The following SLC24A3 variants were observed in gnomAD, a reference collection of about 807,000 sequenced individuals.
SLC24A3 encodes the protein sodium/potassium/calcium exchanger 3.
Under a neutral mutation model 75.8 loss-of-function variants are expected in SLC24A3, and 28 were observed. That is an observed-to-expected ratio of 0.37 (90% CI 0.27 to 0.51). SLC24A3 has a LOEUF of 0.51. SLC24A3 is among the 20% of genes least tolerant of loss of function. SLC24A3 has a pLI of 0.94. For missense variants in SLC24A3, 663 were observed against 847.8 expected, an observed-to-expected ratio of 0.78 and a Z score of 2.71; for synonymous variants, 372 against 334.1, an observed-to-expected ratio of 1.11 and a Z score of -1.24.
chr20:19,558,185 C>T (rs563650972), intron 3 of SLC24A3, among the ~76,000 whole-genome samples: 1 of 152,150 alleles, frequency 6.6e-6, no homozygotes, highest in Non-Finnish European at 1.5e-5. Flanking sequence ...TTTTAAATCA[C>T]CTTTACTGAC....
At chr20:19,515,390 A>G (rs1002572085) in intron 2 of SLC24A3, 98 bp from the exon 3 acceptor site, 6 of 1,105,598 alleles carry the variant, frequency 5.4e-6, no homozygotes, top group Non-Finnish European at 8.1e-6. Context: ...TTTTTCATCC[A>G]AGTTCATGGA....
chr20:19,672,625 CT>C (rs939245123), intron 8 of SLC24A3, among the ~76,000 whole-genome samples: 1 of 152,168 alleles, frequency 6.6e-6, no homozygotes, highest in African/African-American at 2.4e-5. Flanking sequence ...GAGCGGGTCA[CT>C]GTGCCCAGCC....
At chr20:19,509,516 C>T (rs16980706) in intron 2 of SLC24A3, among the ~76,000 whole-genome samples, 17,196 of 152,270 alleles carry the variant, frequency 0.11, 1,039 homozygotes, top group African/African-American at 0.15. Context: ...CGCATACACT[C>T]TTTTCTTGGA....
chr20:19,223,605 T>A (rs1350126610), intron 1 of SLC24A3, among the ~76,000 whole-genome samples: 1 of 152,150 alleles, frequency 6.6e-6, no homozygotes, highest in Non-Finnish European at 1.5e-5. Flanking sequence ...CAGTAAGAGA[T>A]TAACAATAAC....
intron 7 of SLC24A3, among the ~76,000 whole-genome samples, chr20:19,657,179 T>C (rs1475819801): frequency 6.6e-6 from 1 of 152,242 alleles, no homozygotes; most frequent in Non-Finnish European, 1.5e-5. Context: ...GGCTAGAGTT[T>C]TGTGATTTGA....
chr20:19,309,070 G>A (rs1984397451), intron 2 of SLC24A3, among the ~76,000 whole-genome samples: 1 of 152,070 alleles, frequency 6.6e-6, no homozygotes, highest in Non-Finnish European at 1.5e-5. Flanking sequence ...TTCAGACCAG[G>A]GCCTCCTTTT....
chr20:19,418,282 C>T (rs1986859541), intron 2 of SLC24A3, among the ~76,000 whole-genome samples: 1 of 152,012 alleles, frequency 6.6e-6, no homozygotes, highest in African/African-American at 2.4e-5. Flanking sequence ...AGTTGTTGCA[C>T]CCATGGAACA....
intron 2 of SLC24A3, among the ~76,000 whole-genome samples, chr20:19,295,683 C>CAAGG (rs1984040785): frequency 6.6e-6 from 1 of 152,172 alleles, no homozygotes; most frequent in African/African-American, 2.4e-5. Context: ...TTGAACCAGC[C>CAAGG]TTGCATCAGG....
At chr20:19,696,629 C>G (rs1357798501) in intron 13 of SLC24A3, 168 bp from the exon 14 acceptor site, 1 of 504,438 alleles carries the variant, frequency 2.0e-6, no homozygotes, top group African/African-American at 1.9e-5. Context: ...CAGCCCCGGT[C>G]GGCATCCACA....
At position 19,673,596 on chromosome 20, in the gene SLC24A3, C is replaced by T; in HGVS notation, c.714-5C>T. Reference sequence around the variant, plus strand: ...TGTCTTTAACTGTTCTTGGTTTACACACAGGTGGGAGTCTTTAGTCCTTGT... The same window carrying T: ...TGTCTTTAACTGTTCTTGGTTTACATACAGGTGGGAGTCTTTAGTCCTTGT... On this transcript the variant is annotated splice_polypyrimidine_tract_variant and splice_region_variant and intron_variant, in intron 8 of 16. Coordinates refer to ENST00000328041, the MANE Select transcript of SLC24A3 (RefSeq NM_020689.4). The T allele has an allele frequency of 6.2e-7, 1 of 1,613,760 alleles. No individual in the cohort carries two copies. The highest frequency in any genetic ancestry group is 1.1e-5 in the South Asian group (1 of 91,070).
At chr20:19,254,674 A>C (rs1395902064) in intron 1 of SLC24A3, among the ~76,000 whole-genome samples, 8 of 152,210 alleles carry the variant, frequency 5.3e-5, no homozygotes, top group African/African-American at 9.7e-5. Context: ...CAGGGTGGCC[A>C]CACATGTTCC....
rs1981937420 is a variant in SLC24A3 at position 19,228,733 on chromosome 20, A to G, written c.142+15749A>G. ...GTGTTTAATATAACAATATATATAG[A>G]AAAAAATATCCTTACTAAAGCACTT... On this transcript the variant is annotated intron_variant, in intron 1 of 16. Coordinates refer to ENST00000328041, the MANE Select transcript of SLC24A3 (RefSeq NM_020689.4). Among the ~76,000 whole-genome samples, 5 of 152,194 alleles carry G rather than the reference A, an allele frequency of 3.3e-5. No individual in the cohort carries two copies. In the South Asian group the frequency reaches 1.0e-3, roughly 32 times the overall value.
Position 19,611,308 on chromosome 20 carries a change from G to C in SLC24A3, c.612+25764G>C, listed in dbSNP as rs567947948. 2.4e-4 allele frequency among the ~76,000 whole-genome samples: 37 copies of C among 152,316 alleles called. 1 individual carries two copies. Among genetic ancestry groups the C allele is most frequent in the African/African-American group, 8.7e-4 (36 of 41,564 alleles). ...CTTTTTCTCAGTCATTAGAGTGAAGGTCAAATCTATCACTGGAGTGGTTCT... is the reference window on the plus strand; with the variant it reads ...CTTTTTCTCAGTCATTAGAGTGAAGCTCAAATCTATCACTGGAGTGGTTCT... On this transcript the variant is annotated intron_variant, in intron 6 of 16. Coordinates refer to ENST00000328041, the MANE Select transcript of SLC24A3 (RefSeq NM_020689.4).
intron 2 of SLC24A3, among the ~76,000 whole-genome samples, chr20:19,342,992 C>T (rs902445791): frequency 1.3e-5 from 2 of 150,594 alleles, no homozygotes; most frequent in African/African-American, 4.9e-5. Context: ...ATGGTGTGAA[C>T]CCAGGAGGCG....
At chr20:19,222,511 G>A (rs1288242212) in intron 1 of SLC24A3, among the ~76,000 whole-genome samples, 1 of 152,092 alleles carries the variant, frequency 6.6e-6, no homozygotes, top group East Asian at 1.9e-4. Context: ...AGTTTTCCCA[G>A]AGAAAGATCA....
At chr20:19,667,665 G>A (rs926391057) in intron 8 of SLC24A3, among the ~76,000 whole-genome samples, 9 of 152,176 alleles carry the variant, frequency 5.9e-5, no homozygotes, top group African/African-American at 1.9e-4. Flanking sequence ...AGAGGGAGCC[G>A]TCTTTTCTAC....
At chr20:19,661,588 A>G (rs2032327168) in intron 7 of SLC24A3, among the ~76,000 whole-genome samples, 1 of 152,212 alleles carries the variant, frequency 6.6e-6, no homozygotes, top group Admixed American at 6.5e-5. Flanking sequence ...AGTCTCTTGA[A>G]AGAAAACGAT....
At chr20:19,325,757 CATACATACATATATATATACAT>C (rs1322785641) in intron 2 of SLC24A3, among the ~76,000 whole-genome samples, 817 of 39,538 alleles carry the variant, frequency 0.021, 32 homozygotes, top group Non-Finnish European at 0.027. Flanking sequence ...TGTGTGTATA[CATACATACATATATATATACAT>C]ATATATATAT....
intron 2 of SLC24A3, among the ~76,000 whole-genome samples, chr20:19,456,848 T>G (rs1987586291): frequency 6.6e-6 from 1 of 152,214 alleles, no homozygotes; most frequent in South Asian, 2.1e-4. Flanking sequence ...GTCACCACCC[T>G]GGGCTTATTA....
Sources: allele counts gnomAD v4.1 joint callset (sites outside exome capture counted in the v4.1 genomes callset), GRCh38; gene constraint gnomAD v4.1.1; transcripts MANE v1.5; gene names NCBI Gene and HGNC (gene_info 2026-07-23, HGNC 2026-07-21).